The following ADAMTSL3 variants were observed in gnomAD, a reference collection of about 807,000 sequenced individuals.
ADAMTSL3 encodes the protein ADAMTS like 3.
ADAMTSL3 carries 128 observed loss-of-function variants against 201.7 expected under a neutral mutation model. The ratio of observed to expected loss-of-function variants is 0.63; its 90% CI spans 0.55 to 0.73. The LOEUF (loss-of-function observed/expected upper bound fraction) is 0.73, where lower values mean the gene tolerates loss of function less well. Among genes scored for constraint, ADAMTSL3 ranks in the 30% least tolerant of loss-of-function variants. The pLI is 0.00. For synonymous variants in ADAMTSL3, 738 were observed against 748.4 expected (o/e 0.99, Z 0.23); for missense variants, 1,990 against 2,119.6 (o/e 0.94, Z 1.20).
intron 20 of ADAMTSL3, among the ~76,000 whole-genome samples, chr15:83,981,500 T>A (rs1162027577): frequency 6.6e-6 from 1 of 152,176 alleles, no homozygotes; most frequent in Non-Finnish European, 1.5e-5. Flanking sequence ...AATTTTTACT[T>A]CCCTCCCATT....
chr15:83,824,397 C>CCCCTA (rs2063972794), intron 6 of ADAMTSL3, among the ~76,000 whole-genome samples: 3 of 152,102 alleles, frequency 2.0e-5, no homozygotes, highest in Non-Finnish European at 2.9e-5. Context: ...CCCCCTGCTT[C>CCCCTA]CTTAAACGCA....
intron 2 of ADAMTSL3, among the ~76,000 whole-genome samples, chr15:83,668,500 G>C (rs914293518): frequency 1.3e-5 from 2 of 151,710 alleles, no homozygotes; most frequent in East Asian, 1.9e-4. Context: ...TTTTATTTCT[G>C]TGTGTATGTG....
intron 20 of ADAMTSL3, among the ~76,000 whole-genome samples, chr15:83,981,556 C>A (rs1053891087): frequency 6.6e-6 from 1 of 152,216 alleles, no homozygotes; most frequent in Admixed American, 6.5e-5. Context: ...GAAACTGAGG[C>A]TCAGAGAGAT....
chr15:83,995,515 C>T (rs1483211986), intron 23 of ADAMTSL3, among the ~76,000 whole-genome samples: 6 of 152,006 alleles, frequency 3.9e-5, no homozygotes, highest in East Asian at 1.9e-4. Context: ...TTCAACACTG[C>T]GTTAGCACTA....
intron 4 of ADAMTSL3, among the ~76,000 whole-genome samples, chr15:83,777,677 A>G (rs2063101427): frequency 6.6e-6 from 1 of 152,236 alleles, no homozygotes; most frequent in Non-Finnish European, 1.5e-5. Context: ...AGAAAGAATC[A>G]GCACAAGAAC....
intron 6 of ADAMTSL3, among the ~76,000 whole-genome samples, chr15:83,829,505 T>G (rs1333000461): frequency 1.3e-5 from 2 of 152,124 alleles, no homozygotes; most frequent in African/African-American, 2.4e-5. Flanking sequence ...TTTTTGAAGG[T>G]TTTTTTATGT....
rs117139941 is a variant in ADAMTSL3, at chr15:83,724,958, C to A, written c.189+20450C>A. Among the ~76,000 whole-genome samples the A allele has an allele frequency of 2.2e-3, 327 of 151,866 alleles. 9 individuals are homozygous for A. In the East Asian group the frequency reaches 0.056, roughly 26 times the overall value. The stretch of plus-strand genomic sequence containing the variant: ...TTTTTTTTTTATCCATTCATCTGTT[C>A]ATGGACCCTTATGTTGCTTCCAATT... On this transcript the variant is annotated intron_variant, in intron 3 of 29. Coordinates refer to ENST00000286744, the MANE Select transcript of ADAMTSL3 (RefSeq NM_207517.3).
In ADAMTSL3 at chr15:83,687,482, A is replaced by C. The variant is rs1265459071; in HGVS notation, c.70-16907A>C. ...TACTCTACTGAACAGTGCAGCTCTT[A>C]GGACTTCCTGGGAAAAGGTGGGATC... On this transcript the variant is annotated intron_variant, in intron 2 of 29. Transcript: ENST00000286744. Among the ~76,000 whole-genome samples the C allele has an allele frequency of 2.6e-5, 4 of 152,252 alleles. No homozygotes were observed. In the East Asian group the frequency reaches 7.7e-4, roughly 29 times the overall value.
chr15:83,977,285 CTG>C (rs142000505), intron 20 of ADAMTSL3, among the ~76,000 whole-genome samples: 7,710 of 152,200 alleles, frequency 0.051, 667 homozygotes, highest in African/African-American at 0.18. Context: ...TGTGGAAAAA[CTG>C]TTTTCTATGA....
At chr15:83,794,735 C>T (rs755838367) in intron 4 of ADAMTSL3, among the ~76,000 whole-genome samples, 2 of 151,968 alleles carry the variant, frequency 1.3e-5, no homozygotes, top group Admixed American at 6.6e-5. Flanking sequence ...TGTACATTAC[C>T]TGTATTAATA....
At chr15:83,892,459 G>A (rs1482594264) in intron 12 of ADAMTSL3, among the ~76,000 whole-genome samples, 1 of 151,964 alleles carries the variant, frequency 6.6e-6, no homozygotes, top group African/African-American at 2.4e-5. Context: ...GAACCCGGGA[G>A]GCAGAGGTTG....
At chr15:83,776,241 C>A (rs925734265) in intron 4 of ADAMTSL3, among the ~76,000 whole-genome samples, 1 of 152,166 alleles carries the variant, frequency 6.6e-6, no homozygotes, top group African/African-American at 2.4e-5. Context: ...TCACAGCACA[C>A]CTTTCTCAAT....
chr15:83,815,670 A>C (rs946140201), intron 5 of ADAMTSL3, among the ~76,000 whole-genome samples: 1 of 152,230 alleles, frequency 6.6e-6, no homozygotes, highest in African/African-American at 2.4e-5. Flanking sequence ...GAAGAATGTG[A>C]AGTGAATGAA....
chr15:83,660,231 G>T (rs890516704), intron 2 of ADAMTSL3, among the ~76,000 whole-genome samples: 1 of 152,122 alleles, frequency 6.6e-6, no homozygotes. Flanking sequence ...CTTAGTCCAG[G>T]CCTCTTATTC....
At chr15:83,775,157 T>A (rs1263716100) in intron 4 of ADAMTSL3, among the ~76,000 whole-genome samples, 1 of 152,220 alleles carries the variant, frequency 6.6e-6, no homozygotes, top group East Asian at 1.9e-4. Flanking sequence ...GGGGGCTTCT[T>A]ATGTCAAGGG....
At chr15:83,922,150 C>G (rs1310506652) in intron 16 of ADAMTSL3, among the ~76,000 whole-genome samples, 1 of 151,962 alleles carries the variant, frequency 6.6e-6, no homozygotes, top group Non-Finnish European at 1.5e-5. Flanking sequence ...AAAGTAAATG[C>G]TTAATCAGAT....
At chr15:83,730,301 G>A (rs2062245169) in intron 3 of ADAMTSL3, among the ~76,000 whole-genome samples, 1 of 152,134 alleles carries the variant, frequency 6.6e-6, no homozygotes, top group Non-Finnish European at 1.5e-5. Flanking sequence ...GAAGGTGCTA[G>A]TGGATGAGGC....
At position 83,756,599 on chromosome 15, in the gene ADAMTSL3, G is replaced by GCC. The variant is rs35325384; in HGVS notation, c.190-16915_190-16914dup. On this transcript the variant is annotated intron_variant, in intron 3 of 29. Transcript: ENST00000286744. ...AGCCAAACCATATCATTTCACCCCTGCCCCCCCCCCAAATCTCATGTCCTA... is the reference window on the plus strand; with the variant it reads ...AGCCAAACCATATCATTTCACCCCTGCCCCCCCCCCCCAAATCTCATGTCCTA... Among the ~76,000 whole-genome samples, 894 of 142,612 alleles carry GCC rather than the reference G, an allele frequency of 6.3e-3. 4 individuals carry two copies. The highest frequency in any genetic ancestry group is 0.015 in the Middle Eastern group (4 of 272). 93.6% of individuals were successfully genotyped at this position (142,612 alleles called of 152,430 possible).
rs1249686526 is a variant in ADAMTSL3, at chr15:83,865,917, GA to G, written c.803-4878del. The stretch of plus-strand genomic sequence containing the variant: ...ACAATGAACTCAAACAAATTTACAA[GA>G]AAAAAACAGCCCCATCAAAAAGTGG... On this transcript the variant is annotated intron_variant, in intron 8 of 29. Coordinates refer to ENST00000286744, the MANE Select transcript of ADAMTSL3 (RefSeq NM_207517.3). 3.3e-5 allele frequency among the ~76,000 whole-genome samples: 5 copies of G among 151,968 alleles called. No individual in the cohort carries two copies. The South Asian group carries it at 6.2e-4, about 19-fold the overall frequency.
Sources: allele counts gnomAD v4.1 joint callset (sites outside exome capture counted in the v4.1 genomes callset), GRCh38; gene constraint gnomAD v4.1.1; transcripts MANE v1.5; gene names NCBI Gene and HGNC (gene_info 2026-07-23, HGNC 2026-07-21).